SEC22C: variants seen among roughly 807,000 people sequenced by gnomAD.
SEC22C encodes the protein vesicle-trafficking protein SEC22c.
Under a neutral mutation model 34.7 loss-of-function variants are expected in SEC22C, and 29 were observed. The ratio of observed to expected loss-of-function variants is 0.84; its 90% CI spans 0.62 to 1.14. The LOEUF (loss-of-function observed/expected upper bound fraction) is 1.14. Ranked by LOEUF, SEC22C falls within the 50% of genes most tolerant of loss-of-function variation. SEC22C has a pLI of 0.00. For missense variants in SEC22C, 337 were observed against 369.0 expected (o/e 0.91, Z 0.71); for synonymous variants, 117 against 132.8 (o/e 0.88, Z 0.82).
At chr3:42,589,103 A>G (rs1315435856) in intron 1 of SEC22C, among the ~76,000 whole-genome samples, 1 of 149,446 alleles carries the variant, frequency 6.7e-6, no homozygotes, top group Non-Finnish European at 1.5e-5. Context: ...TGTCTACTAA[A>G]GATACAAAAA....
At chr3:42,594,537 C>T (rs762134766) in intron 1 of SEC22C, 153 of 1,591,258 alleles carry the variant, frequency 9.6e-5, no homozygotes, top group Middle Eastern at 1.8e-4. Context: ...AATAATCTTC[C>T]ATTTGGCTGT....
intron 1 of SEC22C, among the ~76,000 whole-genome samples, chr3:42,572,731 G>C (rs546066153): frequency 6.6e-6 from 1 of 152,282 alleles, no homozygotes; most frequent in South Asian, 2.1e-4. Flanking sequence ...CATCCAAAAT[G>C]TAAGTTTCAA....
chr3:42,552,554 AC>A lies in SEC22C; in HGVS notation c.*693del. On this transcript the variant is annotated 3_prime_UTR_variant, in exon 7 of 7. Coordinates refer to ENST00000264454, the MANE Select transcript of SEC22C (RefSeq NM_032970.4). Reference sequence around the variant, plus strand: ...GATATACCCTGCAAATAAATATAAAACATCTCTGTACCCAAACAGTCCCACC... The same window carrying A: ...GATATACCCTGCAAATAAATATAAAAATCTCTGTACCCAAACAGTCCCACC... 1.0e-6 allele frequency: 1 copy of A among 978,890 alleles called. No individual in the cohort carries two copies. 60.6% of individuals were successfully genotyped at this position (978,890 alleles called of 1,614,324 possible). A position where few individuals can be genotyped will look rare whatever the true frequency, so the allele number is the denominator to read the frequency against.
intron 1 of SEC22C, among the ~76,000 whole-genome samples, chr3:42,580,676 T>A (rs889562931): frequency 6.6e-6 from 1 of 152,224 alleles, no homozygotes; most frequent in African/African-American, 2.4e-5. Flanking sequence ...ACTGCAGCTG[T>A]AAGGCTCAAG....
At chr3:42,586,900 C>T (rs1704630467), upstream of SEC22C, among the ~76,000 whole-genome samples, 1 of 152,140 alleles carries the variant, frequency 6.6e-6, no homozygotes, top group South Asian at 2.1e-4. Flanking sequence ...ATTTCCATTC[C>T]AGCATCTCCC....
intron 1 of SEC22C, among the ~76,000 whole-genome samples, chr3:42,573,069 CTTG>C (rs993944010): frequency 5.7e-4 from 87 of 152,186 alleles, no homozygotes; most frequent in African/African-American, 2.0e-3. Flanking sequence ...TCAGGCTCAT[CTTG>C]AACTCTCAGG....
chr3:42,554,104 T>A (rs541057476), intron 6 of SEC22C, among the ~76,000 whole-genome samples: 52 of 151,260 alleles, frequency 3.4e-4, no homozygotes, highest in South Asian at 1.0e-3. Context: ...TTTTTTTTTT[T>A]AAAAAAAGGA....
At position 42,563,603 on chromosome 3, in the gene SEC22C, G is replaced by A; in HGVS notation, c.266C>T (p.Thr89Ile). ...GGAAGCTGTGAATTCCCACCACAGG[G>A]TCTCCAGGAAGCAGAAGGCCATGGC... ...PAAMAFCFLE[T>I]LWWEFTASYD... Residue 89 changes from threonine (T) to isoleucine (I), a missense_variant, in exon 3 of 7, where the codon ACC becomes ATC. By Grantham distance (89) the Thr-to-Ile change is moderately conservative. Transcript: ENST00000264454. 6.2e-7 allele frequency: 1 copy of A among 1,614,114 alleles called. No homozygotes were observed. Among genetic ancestry groups the A allele is most frequent in the South Asian group, 1.1e-5 (1 of 91,082 alleles).
intron 1 of SEC22C, chr3:42,591,508 T>C (rs771783988): frequency 1.9e-6 from 3 of 1,609,176 alleles, no homozygotes; most frequent in Middle Eastern, 1.7e-4. Flanking sequence ...TGACCCTTTC[T>C]TTCTCTGATC....
At position 42,557,539 on chromosome 3, in the gene SEC22C, C is replaced by G; in HGVS notation, c.645+39G>C. The G allele has an allele frequency of 1.3e-3, 1,153 of 858,660 alleles. 1 individual carries two copies. The highest frequency in any genetic ancestry group is 1.9e-3 in the Non-Finnish European group (1,039 of 547,132). 53.2% of individuals were successfully genotyped at this position (858,660 alleles called of 1,614,324 possible). A position where few individuals can be genotyped will look rare whatever the true frequency, so the allele number is the denominator to read the frequency against. ...CTATCACTTTCTTCTATCATATGTC[C>G]TTCAATTTAAACTGTTTTAAAAAAA... On this transcript the variant is annotated intron_variant, in intron 5 of 6. Coordinates refer to ENST00000264454, the MANE Select transcript of SEC22C (RefSeq NM_032970.4).
intron 4 of SEC22C, among the ~76,000 whole-genome samples, chr3:42,560,673 G>A (rs1348457451): frequency 2.6e-5 from 4 of 152,026 alleles, no homozygotes; most frequent in Non-Finnish European, 5.9e-5. Flanking sequence ...GTCTCATTCT[G>A]TCACCCAGGC....
intron 1 of SEC22C, among the ~76,000 whole-genome samples, chr3:42,579,912 T>A (rs1057455944): frequency 6.6e-6 from 1 of 152,248 alleles, no homozygotes; most frequent in Non-Finnish European, 1.5e-5. Context: ...TGAACACTTT[T>A]CCACAATAAA....
chr3:42,569,179 A>G, intron 1 of SEC22C, 106 bp from the exon 2 acceptor site: 1 of 689,074 alleles, frequency 1.5e-6, no homozygotes, highest in Admixed American at 2.9e-5. Context: ...CATTCTTACT[A>G]TAATTGCAAA....
intron 1 of SEC22C, chr3:42,594,820 T>C (rs533734902): frequency 5.1e-6 from 1 of 196,234 alleles, no homozygotes; most frequent in East Asian, 1.3e-4. Flanking sequence ...TACTTTTTAG[T>C]TTCAACCTGA....
At chr3:42,576,184 T>G (rs1156429314) in intron 1 of SEC22C, among the ~76,000 whole-genome samples, 1 of 151,824 alleles carries the variant, frequency 6.6e-6, no homozygotes, top group Non-Finnish European at 1.5e-5. Context: ...TATATCAAAA[T>G]TTGTGTCACA....
Position 42,550,852 on chromosome 3 carries a change from A to G in SEC22C, c.*2396T>C, listed in dbSNP as rs1212766981. The G allele has an allele frequency of 5.4e-5, 53 of 981,242 alleles. No individual in the cohort carries two copies. Among genetic ancestry groups the G allele is most frequent in the Non-Finnish European group, 6.4e-5 (53 of 829,416 alleles). The allele number at this position is 981,242 out of a possible 1,614,324, so 60.8% of individuals were successfully genotyped here. On this transcript the variant is annotated 3_prime_UTR_variant, in exon 7 of 7. Coordinates refer to ENST00000264454, the MANE Select transcript of SEC22C (RefSeq NM_032970.4). ...TAGGAAAAGAAAACAGTCCATTTTT[A>G]AGCCGTTCTTACCGACTTTTTTTTT...
At chr3:42,591,041 T>C (rs1299196658) in intron 1 of SEC22C, 4 of 1,481,706 alleles carry the variant, frequency 2.7e-6, no homozygotes, top group Middle Eastern at 2.3e-4. Flanking sequence ...GCGAGAAGCA[T>C]CCTGTAGTGA....
chr3:42,561,925 C>A (rs920280916), intron 3 of SEC22C, among the ~76,000 whole-genome samples: 4 of 151,778 alleles, frequency 2.6e-5, no homozygotes, highest in African/African-American at 9.7e-5. Context: ...TACGGTACAA[C>A]CCTAGGCAAT....
chr3:42,564,488 A>C (rs1703115300), intron 2 of SEC22C: 2 of 153,118 alleles, frequency 1.3e-5, no homozygotes, highest in Admixed American at 1.3e-4. Context: ...CTGGCTGGCT[A>C]CCATAGCAGT....
Sources: gnomAD v4.1 joint callset for allele counts (sites outside exome capture counted in the v4.1 genomes callset) on GRCh38, gnomAD v4.1.1 for gene constraint, MANE v1.5 for transcripts, NCBI Gene and HGNC (gene_info 2026-07-23, HGNC 2026-07-21) for gene names.